PPHLN1: variants seen among roughly 807,000 people sequenced by gnomAD.
PPHLN1 encodes the protein periphilin-1.
PPHLN1 carries 29 observed loss-of-function variants against 51.3 expected under a neutral mutation model. That is an observed-to-expected ratio of 0.57 (90% confidence interval 0.42 to 0.77). The LOEUF (loss-of-function observed/expected upper bound fraction) is 0.77, where lower values mean the gene tolerates loss of function less well. Among genes scored for constraint, PPHLN1 ranks in the 30% least tolerant of loss-of-function variants. PPHLN1 has a pLI of 0.00. For missense variants in PPHLN1, 436 were observed against 438.4 expected (o/e 0.99, Z 0.05); for synonymous variants, 147 against 147.8 (o/e 0.99, Z 0.04).
downstream of PPHLN1, chr12:42,446,560 CAT>C (rs1566064053): frequency 6.2e-7 from 1 of 1,611,036 alleles, no homozygotes; most frequent in South Asian, 1.1e-5. Flanking sequence ...TAATTATACT[CAT>C]GTTTGTCTCT....
At chr12:42,389,246 G>T (rs756477233) in intron 7 of PPHLN1, among the ~76,000 whole-genome samples, 1 of 152,066 alleles carries the variant, frequency 6.6e-6, no homozygotes, top group East Asian at 1.9e-4. Flanking sequence ...GGTGGCAGGC[G>T]CCTGTAGTCC....
intron 4 of PPHLN1, among the ~76,000 whole-genome samples, chr12:42,360,798 A>T (rs1026144572): frequency 3.3e-5 from 5 of 152,042 alleles, no homozygotes; most frequent in African/African-American, 1.2e-4. Flanking sequence ...CAGCCGCCGA[A>T]TTCTTTTTCT....
At chr12:42,419,930 G>A (rs1013513697) in intron 9 of PPHLN1, among the ~76,000 whole-genome samples, 1 of 152,204 alleles carries the variant, frequency 6.6e-6, no homozygotes, top group Non-Finnish European at 1.5e-5. Context: ...TTCAGTATGT[G>A]AGGAGAATGA....
chr12:42,441,578 T>C lies in PPHLN1; in HGVS notation c.*69T>C, dbSNP rs2082969964. On this transcript the variant is annotated 3_prime_UTR_variant, in exon 10 of 10. Transcript: ENST00000358314. Reference sequence around the variant, plus strand: ...AATTTTTTTTCCTGGATTGTGTAAATCCTTAATATATGGAATTTTTGTGAT... The same window carrying C: ...AATTTTTTTTCCTGGATTGTGTAAACCCTTAATATATGGAATTTTTGTGAT... 13 of 1,408,702 alleles carry C rather than the reference T, an allele frequency of 9.2e-6. No homozygotes were observed. Among genetic ancestry groups the C allele is most frequent in the Non-Finnish European group, 1.1e-5 (12 of 1,080,778 alleles). 87.3% of individuals were successfully genotyped at this position (1,408,702 alleles called of 1,614,324 possible).
rs746440367 is a variant in PPHLN1, at chr12:42,335,866, CTT to C, written c.-20-8_-20-7del. Reference sequence around the variant, plus strand: ...ACTTCCTAGTATAAAATCCATAATTCTTTTTTTTTTCTTTAGTGGCTTACAGA... The same window carrying C: ...ACTTCCTAGTATAAAATCCATAATTCTTTTTTTTCTTTAGTGGCTTACAGA... On this transcript the variant is annotated splice_polypyrimidine_tract_variant and intron_variant, in intron 1 of 9. Coordinates refer to ENST00000358314, the MANE Select transcript of PPHLN1 (RefSeq NM_201439.2). 1.2e-5 allele frequency: 15 copies of C among 1,297,816 alleles called. No individual in the cohort carries two copies. The highest frequency in any genetic ancestry group is 6.4e-5 in the South Asian group (4 of 62,366). The allele number at this position is 1,297,816 out of a possible 1,614,324, so 80.4% of individuals were successfully genotyped here.
intron 9 of PPHLN1, chr12:42,433,154 G>T (rs766645225): frequency 1.3e-6 from 1 of 771,314 alleles, no homozygotes; most frequent in African/African-American, 1.7e-5. Flanking sequence ...TATATTCAAT[G>T]ACATAAAATT....
At position 42,369,169 on chromosome 12, in the gene PPHLN1, C is replaced by T. The variant is rs2075563354; in HGVS notation, c.300-5694C>T. On this transcript the variant is annotated intron_variant, in intron 4 of 9. Transcript: ENST00000358314. ...CCACAGTGCCTAAAATATTATTTGG[C>T]TTTTGAAAGAGCAAACATTTTCTGA... 6.6e-5 allele frequency among the ~76,000 whole-genome samples: 10 copies of T among 152,154 alleles called. No individual in the cohort carries two copies. The South Asian group carries it at 2.1e-3, about 32-fold the overall frequency.
intron 9 of PPHLN1, among the ~76,000 whole-genome samples, chr12:42,423,513 T>G (rs978041247): frequency 6.6e-6 from 1 of 152,158 alleles, no homozygotes; most frequent in East Asian, 1.9e-4. Context: ...AAAGTCCGTC[T>G]CTGGGAGAAG....
chr12:42,349,402 T>G (rs1390246508), intron 2 of PPHLN1, among the ~76,000 whole-genome samples: 2 of 145,276 alleles, frequency 1.4e-5, no homozygotes, highest in Non-Finnish European at 3.0e-5. Flanking sequence ...AGTTTTGTTT[T>G]GTTTTTTAAA....
intron 8 of PPHLN1, among the ~76,000 whole-genome samples, chr12:42,395,160 T>C (rs2078086687): frequency 6.6e-6 from 1 of 152,072 alleles, no homozygotes; most frequent in South Asian, 2.1e-4. Flanking sequence ...AGAAAGACTT[T>C]TTAAACATCT....
At chr12:42,392,575 A>G (rs2077822571) in intron 7 of PPHLN1, among the ~76,000 whole-genome samples, 1 of 152,202 alleles carries the variant, frequency 6.6e-6, no homozygotes, top group South Asian at 2.1e-4. Context: ...ATACCAAGGA[A>G]GTAGAATGGA....
intron 1 of PPHLN1, among the ~76,000 whole-genome samples, chr12:42,329,197 G>A (rs1242266189): frequency 1.3e-5 from 2 of 151,726 alleles, no homozygotes; most frequent in Admixed American, 6.6e-5. Flanking sequence ...CCCCTCCCGG[G>A]TTCATGCCAT....
chr12:42,379,447 GT>G (rs140180916), intron 5 of PPHLN1, among the ~76,000 whole-genome samples: 3 of 147,898 alleles, frequency 2.0e-5, no homozygotes, highest in East Asian at 2.0e-4. Context: ...TATTCTTCAT[GT>G]TTTTTTTTTC....
chr12:42,341,828 A>G (rs1390587853), intron 2 of PPHLN1, among the ~76,000 whole-genome samples: 1 of 152,038 alleles, frequency 6.6e-6, no homozygotes, highest in Non-Finnish European at 1.5e-5. Flanking sequence ...TCACCGTGTT[A>G]GCCAGGATGG....
intron 7 of PPHLN1, among the ~76,000 whole-genome samples, chr12:42,388,409 AC>A (rs1329871345): frequency 1.3e-5 from 2 of 151,954 alleles, no homozygotes; most frequent in Non-Finnish European, 2.9e-5. Context: ...CAGGCATAGT[AC>A]CTCCCCTTGA....
At chr12:42,335,221 C>A (rs181321602) in intron 1 of PPHLN1, among the ~76,000 whole-genome samples, 60 of 152,124 alleles carry the variant, frequency 3.9e-4, no homozygotes, top group Non-Finnish European at 5.3e-4. Context: ...TCCCACCCCC[C>A]CCTTCTCTGA....
chr12:42,393,446 T>C, intron 7 of PPHLN1, 124 bp from the exon 8 acceptor site: 1 of 913,390 alleles, frequency 1.1e-6, no homozygotes, highest in Non-Finnish European at 1.6e-6. Context: ...ATAAAGAATG[T>C]ACCTGTTCTC....
At chr12:42,389,546 C>T (rs1156628611) in intron 7 of PPHLN1, among the ~76,000 whole-genome samples, 3 of 151,960 alleles carry the variant, frequency 2.0e-5, no homozygotes, top group Admixed American at 6.5e-5. Context: ...GGCGACAGAG[C>T]GAGACTCTGT....
intron 2 of PPHLN1, among the ~76,000 whole-genome samples, chr12:42,344,955 C>T (rs1266541443): frequency 1.6e-4 from 24 of 151,980 alleles, no homozygotes; most frequent in Admixed American, 1.6e-3. Context: ...AACTGATCTG[C>T]CCCCCTCAGC....
Sources: allele counts gnomAD v4.1 joint callset (sites outside exome capture counted in the v4.1 genomes callset), GRCh38; gene constraint gnomAD v4.1.1; transcripts MANE v1.5; gene names NCBI Gene and HGNC (gene_info 2026-07-23, HGNC 2026-07-21).